LYST: variants seen among roughly 807,000 people sequenced by gnomAD.
LYST encodes the protein lysosomal trafficking regulator.
LYST carries 192 observed loss-of-function variants against 413.6 expected under a neutral mutation model. The observed-to-expected ratio is 0.46, with a 90% CI of 0.41 to 0.52. The LOEUF is 0.52. Among genes scored for constraint, LYST ranks in the 20% least tolerant of loss-of-function variants. The pLI, the probability that LYST is intolerant of heterozygous loss-of-function variation, is 0.00. For synonymous variants in LYST, 1,525 were observed against 1,567.3 expected, an observed-to-expected ratio of 0.97 and a Z score of 0.64; for missense variants, 3,815 against 4,499.9, an observed-to-expected ratio of 0.85 and a Z score of 4.35.
At chr1:235,853,566 G>T (rs1678807177) in intron 1 of LYST, among the ~76,000 whole-genome samples, 1 of 151,752 alleles carries the variant, frequency 6.6e-6, no homozygotes. Flanking sequence ...GACAGCAATG[G>T]CCCAGAAAGG....
intron 2 of LYST, among the ~76,000 whole-genome samples, chr1:235,831,355 C>T (rs941365448): frequency 6.6e-6 from 1 of 152,096 alleles, no homozygotes; most frequent in African/African-American, 2.4e-5. Flanking sequence ...AGATGTGACT[C>T]GTATAGTGTG....
intron 44 of LYST, among the ~76,000 whole-genome samples, chr1:235,705,112 T>G (rs1327349726): frequency 6.6e-6 from 1 of 152,192 alleles, no homozygotes; most frequent in Non-Finnish European, 1.5e-5. Flanking sequence ...TTTGACAAGT[T>G]TGTACATTTT....
chr1:235,777,288 A>G lies in LYST; in HGVS notation c.5235T>C (p.Tyr1745=), dbSNP rs1340717432. The stretch of plus-strand genomic sequence containing the variant: ...TATACTGAGCAGGACAGTAAGTTGT[A>G]TAAACAACTGAAAGACTTTCCTGAA... ...GLLIESLSVV[Y]TTYCPAQYTI... is the part of the protein sequence containing the mutation. The change falls in exon 17 of 53, where the codon TAT becomes TAC. Residue 1745 remains tyrosine (Y), a synonymous_variant. Coordinates refer to ENST00000389793, the MANE Select transcript of LYST (RefSeq NM_000081.4). 2 of 1,611,718 alleles carry G rather than the reference A, an allele frequency of 1.2e-6. No individual in the cohort carries two copies. The highest frequency in any genetic ancestry group is 3.3e-5 in the Admixed American group (2 of 60,000).
chr1:235,725,522 A>G (rs1005581234), intron 38 of LYST, among the ~76,000 whole-genome samples: 1 of 152,168 alleles, frequency 6.6e-6, no homozygotes. Context: ...GAGCATAGAA[A>G]AAAAGCCTCT....
intron 42 of LYST, 105 bp from the exon 43 acceptor site, chr1:235,712,302 G>A (rs1456100471): frequency 7.2e-6 from 6 of 831,694 alleles, no homozygotes; most frequent in Non-Finnish European, 1.1e-5. Context: ...TTAAAATAAT[G>A]CTAATTTTGT....
In LYST at chr1:235,801,966, C is replaced by T. The variant is rs113389019; in HGVS notation, c.3713-869G>A. On this transcript the variant is annotated intron_variant, in intron 8 of 52. Transcript: ENST00000389793. ...ATCCCAGCACTTTGGGAGGCCGAGG[C>T]GGGTGGATCACGAAGTCAGGAGTTC... Among the ~76,000 whole-genome samples the T allele has an allele frequency of 2.4e-4, 36 of 152,058 alleles. No individual in the cohort carries two copies. The South Asian group carries it at 4.6e-3, about 19-fold the overall frequency.
chr1:235,845,135 C>A (rs1408947607), intron 1 of LYST, among the ~76,000 whole-genome samples: 1 of 152,144 alleles, frequency 6.6e-6, no homozygotes, highest in African/African-American at 2.4e-5. Context: ...CCTGCAGGCC[C>A]CAGGAGACCC....
chr1:235,708,710 A>C (rs1344226116), intron 44 of LYST, among the ~76,000 whole-genome samples: 1 of 152,144 alleles, frequency 6.6e-6, no homozygotes, highest in Non-Finnish European at 1.5e-5. Flanking sequence ...GAGGAGGCTG[A>C]GTATGCTTTT....
Position 235,728,216 on chromosome 1 carries a change from T to C in LYST, c.9107-85A>G, listed in dbSNP as rs1336810803. ...TTTAATGCATGGTCTCTGGAGTCCT[T>C]TGGTCTGAATTTGAATCTCACTACC... On this transcript the variant is annotated intron_variant, in intron 37 of 52. Coordinates refer to ENST00000389793, the MANE Select transcript of LYST (RefSeq NM_000081.4). 4.6e-5 allele frequency: 44 copies of C among 959,582 alleles called. No individual in the cohort carries two copies. In the South Asian group the frequency reaches 5.0e-4, roughly 11 times the overall value. 59.4% of individuals were successfully genotyped at this position (959,582 alleles called of 1,614,324 possible).
chr1:235,834,354 A>G (rs1676311567), intron 1 of LYST, among the ~76,000 whole-genome samples: 1 of 152,182 alleles, frequency 6.6e-6, no homozygotes, highest in African/African-American at 2.4e-5. Context: ...GGCAAACATG[A>G]AGATATTTTG....
intron 4 of LYST, among the ~76,000 whole-genome samples, chr1:235,811,338 A>T (rs1035174198): frequency 5.3e-5 from 8 of 151,860 alleles, no homozygotes; most frequent in African/African-American, 1.9e-4. Flanking sequence ...ATTCTCAAAA[A>T]TAGTATTCAT....
At chr1:235,761,117 G>A (rs1667549957) in intron 22 of LYST, among the ~76,000 whole-genome samples, 1 of 151,906 alleles carries the variant, frequency 6.6e-6, no homozygotes, top group Non-Finnish European at 1.5e-5. Flanking sequence ...TTTTTAAAAA[G>A]AAAAGGAAAA....
intron 8 of LYST, among the ~76,000 whole-genome samples, chr1:235,802,268 T>TCTTGCCAG: frequency 7.0e-6 from 1 of 143,826 alleles, no homozygotes; most frequent in South Asian, 2.2e-4. Context: ...AAAGATGGAG[T>TCTTGCCAG]CTTGCCAGAA....
chr1:235,824,804 G>A (rs1314581835), intron 3 of LYST, among the ~76,000 whole-genome samples: 59 of 151,976 alleles, frequency 3.9e-4, no homozygotes, highest in Admixed American at 3.8e-3. Flanking sequence ...GGTGGATCAC[G>A]AGGTCAGGAG....
chr1:235,840,414 G>T (rs1454667513), intron 1 of LYST, among the ~76,000 whole-genome samples: 1 of 152,180 alleles, frequency 6.6e-6, no homozygotes, highest in African/African-American at 2.4e-5. Flanking sequence ...AGGATGGAGG[G>T]AGTGGCTGGC....
intron 10 of LYST, among the ~76,000 whole-genome samples, chr1:235,794,699 G>A (rs1671375936): frequency 1.3e-5 from 2 of 152,206 alleles, no homozygotes; most frequent in African/African-American, 4.8e-5. Flanking sequence ...GCAATGAGTT[G>A]ACACAGTAGC....
intron 38 of LYST, 55 bp from the exon 39 acceptor site, chr1:235,724,235 C>A: frequency 7.0e-7 from 1 of 1,434,852 alleles, no homozygotes. Flanking sequence ...TAAATAATTA[C>A]TTTAATTTTA....
At chr1:235,730,593 GTGTGTGTGTGTGTGTGTGTGTA>G (rs1558161533) in intron 36 of LYST, among the ~76,000 whole-genome samples, 3,231 of 132,850 alleles carry the variant, frequency 0.024, 125 homozygotes, top group African/African-American at 0.083. Flanking sequence ...GTGTGTGTGT[GTGTGTGTGTGTGTGTGTGTGTA>G]TATGTAAACT....
In LYST at chr1:235,720,868, T is replaced by C. The variant is rs370702570; in HGVS notation, c.9353A>G (p.Asn3118Ser). The change falls in exon 40 of 53, where the codon AAC becomes AGC. Residue 3118 changes from asparagine (N) to serine (S), a missense_variant. Asn to Ser is a conservative substitution (Grantham distance 46, BLOSUM62 1). Coordinates refer to ENST00000389793, the MANE Select transcript of LYST (RefSeq NM_000081.4). The part of the protein sequence containing the change: ...DDVYHNILTN[N>S]LPNLLEYGNI... ...ACCATATTCCAGAAGATTAGGGAGGTTATTTGTGAGTATATTGTGGTATAC... is the reference window on the plus strand; with the variant it reads ...ACCATATTCCAGAAGATTAGGGAGGCTATTTGTGAGTATATTGTGGTATAC... The C allele has an allele frequency of 8.7e-6, 14 of 1,613,430 alleles. No individual in the cohort carries two copies. The African/African-American group carries it at 1.5e-4, about 17-fold the overall frequency.
Sources: allele counts gnomAD v4.1 joint callset (sites outside exome capture counted in the v4.1 genomes callset), GRCh38; gene constraint gnomAD v4.1.1; transcripts MANE v1.5; gene names NCBI Gene and HGNC (gene_info 2026-07-23, HGNC 2026-07-21).